The following GPR149 variants were observed in gnomAD, a reference collection of about 807,000 sequenced individuals.
The protein encoded by GPR149 is G protein-coupled receptor 149.
In GPR149, 50 loss-of-function variants were observed where a neutral mutation model predicts 50.2. The ratio of observed to expected loss-of-function variants is 1.00; its 90% CI spans 0.79 to 1.26. GPR149 has a LOEUF of 1.26. GPR149 is among the 50% of genes most tolerant of loss of function. GPR149 has a pLI of 0.00. For synonymous variants in GPR149, 405 were observed against 358.2 expected, an observed-to-expected ratio of 1.13 and a Z score of -1.48; for missense variants, 983 against 895.4, an observed-to-expected ratio of 1.10 and a Z score of -1.25.
intron 3 of GPR149, among the ~76,000 whole-genome samples, chr3:154,344,033 T>A (rs975986538): frequency 6.6e-6 from 1 of 152,066 alleles, no homozygotes; most frequent in Admixed American, 6.5e-5. Context: ...ATGGCACTCA[T>A]GACTGGAAAG....
At chr3:154,393,571 C>T (rs1159567313) in intron 3 of GPR149, among the ~76,000 whole-genome samples, 1 of 151,882 alleles carries the variant, frequency 6.6e-6, no homozygotes, top group African/African-American at 2.4e-5. Flanking sequence ...TAGAGAAATC[C>T]TGGCCTGAGT....
At position 154,383,751 on chromosome 3, in the gene GPR149, T is replaced by TC. The variant is rs567623583; in HGVS notation, c.1623+37287dup. 5.1e-3 allele frequency among the ~76,000 whole-genome samples: 772 copies of TC among 152,106 alleles called. 6 individuals carry two copies. The highest frequency in any genetic ancestry group is 5.9e-3 in the Non-Finnish European group (401 of 67,984). On this transcript the variant is annotated intron_variant, in intron 3 of 3. Coordinates refer to ENST00000389740, the MANE Select transcript of GPR149 (RefSeq NM_001038705.3). ...CCAAAATTTGTATGTTGATCTTTAA[T>TC]CCCCCAAATTATGGTATTGGGGGAC...
intron 3 of GPR149, among the ~76,000 whole-genome samples, chr3:154,380,243 T>C (rs1714889536): frequency 6.7e-6 from 1 of 149,506 alleles, no homozygotes; most frequent in Non-Finnish European, 1.5e-5. Context: ...CAAGTATCAA[T>C]GGTGTGCAGT....
At chr3:154,357,584 A>G (rs1714270063) in intron 3 of GPR149, among the ~76,000 whole-genome samples, 2 of 152,236 alleles carry the variant, frequency 1.3e-5, no homozygotes, top group African/African-American at 4.8e-5. Flanking sequence ...TCAAAACCAC[A>G]ATGAGATACC....
chr3:154,402,165 G>A (rs1196157819), intron 3 of GPR149, among the ~76,000 whole-genome samples: 1 of 152,136 alleles, frequency 6.6e-6, no homozygotes, highest in African/African-American at 2.4e-5. Flanking sequence ...TATACTGAAA[G>A]TTACCATGAA....
intron 1 of GPR149, 109 bp from the exon 2 acceptor site, chr3:154,427,817 T>C (rs1439294343): frequency 2.9e-6 from 3 of 1,038,676 alleles, no homozygotes; most frequent in Non-Finnish European, 4.1e-6. Context: ...CTTCTCCTGA[T>C]GGACAGCGGG....
chr3:154,371,445 T>G (rs1315988414), intron 3 of GPR149, among the ~76,000 whole-genome samples: 2 of 152,156 alleles, frequency 1.3e-5, no homozygotes, highest in East Asian at 3.9e-4. Context: ...TTGTCCCTTT[T>G]ATTGTAGGAG....
chr3:154,401,771 G>A (rs1338429560), intron 3 of GPR149, among the ~76,000 whole-genome samples: 4 of 152,166 alleles, frequency 2.6e-5, no homozygotes, highest in African/African-American at 9.7e-5. Flanking sequence ...AATTAGTGCA[G>A]ATCAGATCCG....
intron 3 of GPR149, among the ~76,000 whole-genome samples, chr3:154,386,853 T>C (rs1715055104): frequency 6.6e-6 from 1 of 152,216 alleles, no homozygotes; most frequent in Non-Finnish European, 1.5e-5. Flanking sequence ...GTTAAATATA[T>C]CTGAATAGAA....
intron 3 of GPR149, among the ~76,000 whole-genome samples, chr3:154,392,296 A>T (rs1715188978): frequency 6.6e-6 from 1 of 151,844 alleles, no homozygotes; most frequent in Non-Finnish European, 1.5e-5. Flanking sequence ...AACTAAACAC[A>T]CCTTGAACAA....
chr3:154,352,986 T>C (rs773677076), intron 3 of GPR149: 2 of 1,117,620 alleles, frequency 1.8e-6, no homozygotes, highest in South Asian at 1.2e-5. Context: ...GTGCAAACTA[T>C]GGGCAGCCAC....
chr3:154,346,219 T>G (rs1313671505), intron 3 of GPR149, among the ~76,000 whole-genome samples: 6 of 152,136 alleles, frequency 3.9e-5, no homozygotes. Context: ...TTTAAGATGG[T>G]TAGTAGAGAT....
At chr3:154,407,346 T>A (rs1397534572) in intron 3 of GPR149, among the ~76,000 whole-genome samples, 1 of 152,168 alleles carries the variant, frequency 6.6e-6, no homozygotes, top group Non-Finnish European at 1.5e-5. Flanking sequence ...ATGTTTTGAC[T>A]GTAACCTGTA....
intron 3 of GPR149, among the ~76,000 whole-genome samples, chr3:154,391,569 C>T (rs1347539187): frequency 6.6e-6 from 1 of 151,344 alleles, no homozygotes; most frequent in Non-Finnish European, 1.5e-5. Flanking sequence ...AAAAACATGG[C>T]TATAGTAAGT....
chr3:154,414,327 A>G (rs1279086228), intron 3 of GPR149, among the ~76,000 whole-genome samples: 1 of 152,040 alleles, frequency 6.6e-6, no homozygotes, highest in Non-Finnish European at 1.5e-5. Context: ...ACAAAAAAAT[A>G]AATAAAATGT....
chr3:154,390,418 A>G (rs1715144058), intron 3 of GPR149, among the ~76,000 whole-genome samples: 1 of 152,044 alleles, frequency 6.6e-6, no homozygotes, highest in Non-Finnish European at 1.5e-5. Flanking sequence ...TGAAGAGTAA[A>G]TAACTGAAAT....
At chr3:154,428,196 CTCTA>C (rs1712364302) in intron 1 of GPR149, among the ~76,000 whole-genome samples, 1 of 152,226 alleles carries the variant, frequency 6.6e-6, no homozygotes, top group Non-Finnish European at 1.5e-5. Context: ...CTCTCCTCCC[CTCTA>C]TCCCGCCCTG....
chr3:154,374,096 C>T (rs1288710049), intron 3 of GPR149, among the ~76,000 whole-genome samples: 2 of 151,500 alleles, frequency 1.3e-5, no homozygotes, highest in Non-Finnish European at 2.9e-5. Flanking sequence ...TTCGAGAGCT[C>T]AATCATATAT....
chr3:154,413,559 A>G (rs898902805), intron 3 of GPR149, among the ~76,000 whole-genome samples: 2 of 151,982 alleles, frequency 1.3e-5, no homozygotes, highest in East Asian at 3.9e-4. Context: ...AAAATGCTCA[A>G]CACCACTAAT....
Sources: gnomAD v4.1 joint callset for allele counts (sites outside exome capture counted in the v4.1 genomes callset) on GRCh38, gnomAD v4.1.1 for gene constraint, MANE v1.5 for transcripts, NCBI Gene and HGNC (gene_info 2026-07-23, HGNC 2026-07-21) for gene names.